Variants in SNAP23 observed in about 807,000 individuals in gnomAD.
The protein encoded by SNAP23 is synaptosomal-associated protein 23.
SNAP23 carries 11 observed loss-of-function variants against 29.0 expected under a neutral mutation model. The observed-to-expected ratio is 0.38, with a 90% confidence interval of 0.24 to 0.63. The LOEUF (loss-of-function observed/expected upper bound fraction) is 0.63. SNAP23 is among the 20% of genes least tolerant of loss of function. The pLI is 0.58. For synonymous variants in SNAP23, 60 were observed against 82.9 expected (o/e 0.72, Z 1.50); for missense variants, 220 against 253.9 (o/e 0.87, Z 0.91).
At chr15:42,502,047 A>T (rs2595941) in intron 1 of SNAP23, among the ~76,000 whole-genome samples, 8 of 128,832 alleles carry the variant, frequency 6.2e-5, no homozygotes, top group African/African-American at 1.1e-4. Context: ...TTTTTTTTTG[A>T]GACGGAGTCT....
intron 1 of SNAP23, among the ~76,000 whole-genome samples, chr15:42,504,005 G>C (rs573533116): frequency 6.6e-6 from 1 of 152,096 alleles, no homozygotes; most frequent in African/African-American, 2.4e-5. Context: ...AGCCCAGAGA[G>C]GAAGTAAAAG....
intron 1 of SNAP23, among the ~76,000 whole-genome samples, chr15:42,509,015 A>G (rs2057337585): frequency 6.6e-6 from 1 of 151,908 alleles, no homozygotes; most frequent in African/African-American, 2.4e-5. Context: ...TGGGGAGGGC[A>G]GGCTTTGGAG....
At chr15:42,517,822 C>T (rs996881595) in intron 5 of SNAP23, among the ~76,000 whole-genome samples, 5 of 152,060 alleles carry the variant, frequency 3.3e-5, no homozygotes, top group African/African-American at 9.7e-5. Context: ...GCAATCCACC[C>T]ACATCAGCCT....
chr15:42,526,093 C>A (rs1031109187), intron 5 of SNAP23, among the ~76,000 whole-genome samples: 1 of 152,170 alleles, frequency 6.6e-6, no homozygotes, highest in African/African-American at 2.4e-5. Flanking sequence ...TTCTCTCTTG[C>A]ACCTGTTCCA....
intron 5 of SNAP23, among the ~76,000 whole-genome samples, chr15:42,525,613 G>A (rs887773800): frequency 7.3e-5 from 11 of 150,826 alleles, no homozygotes; most frequent in South Asian, 4.2e-4. Context: ...GCATTCGAGC[G>A]CCACCACACC....
intron 1 of SNAP23, among the ~76,000 whole-genome samples, chr15:42,499,067 C>A (rs1211013401): frequency 6.6e-6 from 1 of 151,442 alleles, no homozygotes; most frequent in Non-Finnish European, 1.5e-5. Context: ...AACTAAAGGT[C>A]ACATCTTTTT....
upstream of SNAP23, among the ~76,000 whole-genome samples, chr15:42,492,558 GT>G (rs1739242334): frequency 6.6e-6 from 1 of 151,262 alleles, no homozygotes; most frequent in African/African-American, 2.4e-5. Context: ...CGTGCCTGTA[GT>G]CCCAGCTACT....
At chr15:42,493,810 C>T (rs558668446), upstream of SNAP23, among the ~76,000 whole-genome samples, 3 of 152,244 alleles carry the variant, frequency 2.0e-5, no homozygotes, top group Admixed American at 6.5e-5. Context: ...AAGATGACCC[C>T]ATCTTCAACT....
chr15:42,514,016 T>C (rs2057378771), intron 4 of SNAP23, among the ~76,000 whole-genome samples: 2 of 151,786 alleles, frequency 1.3e-5, no homozygotes, highest in South Asian at 4.2e-4. Flanking sequence ...GGTTTTACCA[T>C]GTTGGCCAGG....
At chr15:42,496,036 C>T in intron 1 of SNAP23, 1 of 152,198 alleles carries the variant, frequency 6.6e-6, no homozygotes, top group East Asian at 1.9e-4. Context: ...GTATGGTGAC[C>T]ACAGTGATCA....
upstream of SNAP23, among the ~76,000 whole-genome samples, chr15:42,495,071 A>G (rs552376422): frequency 6.6e-6 from 1 of 152,178 alleles, no homozygotes. Flanking sequence ...AGGATGAACT[A>G]CTAGAAATTT....
At chr15:42,510,861 T>C (rs150559688) in intron 1 of SNAP23, among the ~76,000 whole-genome samples, 34 of 152,228 alleles carry the variant, frequency 2.2e-4, no homozygotes, top group African/African-American at 7.7e-4. Flanking sequence ...ACCTACTAGA[T>C]GCCATTAACC....
At chr15:42,528,133 CTAGA>C in intron 5 of SNAP23, 125 bp from the exon 6 acceptor site, 1 of 553,474 alleles carries the variant, frequency 1.8e-6, no homozygotes, top group Non-Finnish European at 3.0e-6. Flanking sequence ...TGTAGATCAT[CTAGA>C]CTTAGCTGTA....
chr15:42,509,321 C>T (rs1381014088), intron 1 of SNAP23, among the ~76,000 whole-genome samples: 1 of 151,874 alleles, frequency 6.6e-6, no homozygotes, highest in Non-Finnish European at 1.5e-5. Flanking sequence ...TTGATTATAT[C>T]TTAGTGTGGA....
chr15:42,514,438 C>T (rs1361667424), intron 4 of SNAP23, among the ~76,000 whole-genome samples: 3 of 152,270 alleles, frequency 2.0e-5, no homozygotes, highest in East Asian at 3.9e-4. Context: ...CGTGAGCCAC[C>T]GTGTCTGGCC....
chr15:42,494,676 C>T (rs577052127), upstream of SNAP23, among the ~76,000 whole-genome samples: 5 of 151,988 alleles, frequency 3.3e-5, no homozygotes, highest in East Asian at 5.8e-4. Flanking sequence ...CCACCATGCC[C>T]GGCTAATTTT....
intron 5 of SNAP23, among the ~76,000 whole-genome samples, chr15:42,520,452 A>G (rs901045290): frequency 6.6e-6 from 1 of 152,208 alleles, no homozygotes; most frequent in South Asian, 2.1e-4. Context: ...GGGAAGTCTC[A>G]GAATAGTAAA....
chr15:42,493,495 A>G (rs924917725), upstream of SNAP23, among the ~76,000 whole-genome samples: 1 of 152,076 alleles, frequency 6.6e-6, no homozygotes, highest in Non-Finnish European at 1.5e-5. Context: ...TATCCCCCGG[A>G]GGACAAAATC....
At chr15:42,493,697 G>C (rs993826748), upstream of SNAP23, among the ~76,000 whole-genome samples, 1 of 151,986 alleles carries the variant, frequency 6.6e-6, no homozygotes, top group Admixed American at 6.6e-5. Context: ...TTGCTTACCA[G>C]TCCTACAACA....
Sources: gnomAD v4.1 joint callset for allele counts (sites outside exome capture counted in the v4.1 genomes callset) on GRCh38, gnomAD v4.1.1 for gene constraint, MANE v1.5 for transcripts, NCBI Gene and HGNC (gene_info 2026-07-23, HGNC 2026-07-21) for gene names.